SLIT2: variants seen among roughly 807,000 people sequenced by gnomAD.
SLIT2 encodes the protein slit homolog 2 protein.
SLIT2 carries 41 observed loss-of-function variants against 185.7 expected under a neutral mutation model. The observed-to-expected ratio is 0.22, with a 90% CI of 0.17 to 0.29. The LOEUF (loss-of-function observed/expected upper bound fraction) is 0.29. Ranked by LOEUF, SLIT2 falls within the 10% of genes least tolerant of loss-of-function variation. SLIT2 has a pLI of 1.00. For missense variants in SLIT2, 1,571 were observed against 1,909.0 expected, an observed-to-expected ratio of 0.82 and a Z score of 3.30; for synonymous variants, 693 against 680.2, an observed-to-expected ratio of 1.02 and a Z score of -0.29.
rs571482437 is a variant in SLIT2 at position 20,547,664 on chromosome 4, GTTA to G, written c.2346-819_2346-817del. Among the ~76,000 whole-genome samples, 93 of 150,388 alleles carry G rather than the reference GTTA, an allele frequency of 6.2e-4. 1 individual carries two copies. Among genetic ancestry groups the G allele is most frequent in the South Asian group, 1.0e-3 (5 of 4,784 alleles). ...AGAAAAAAATTAGTGAATATATTTAGTTATTATAAATGGTGAATATATATTAGT... is the reference window on the plus strand; with the variant it reads ...AGAAAAAAATTAGTGAATATATTTAGTTATAAATGGTGAATATATATTAGT... On this transcript the variant is annotated intron_variant, in intron 22 of 36. Transcript: ENST00000504154.
chr4:20,572,235 C>T (rs1221393903), intron 29 of SLIT2, among the ~76,000 whole-genome samples: 1 of 152,186 alleles, frequency 6.6e-6, no homozygotes, highest in African/African-American at 2.4e-5. Flanking sequence ...TCTCCATATA[C>T]TCCAGTTATC....
In SLIT2 at chr4:20,527,660, A is replaced by C. The variant is rs1446323967; in HGVS notation, c.1463-1289A>C. Among the ~76,000 whole-genome samples, 7 of 152,150 alleles carry C rather than the reference A, an allele frequency of 4.6e-5. No individual in the cohort carries two copies. The East Asian group carries it at 1.3e-3, about 29-fold the overall frequency. ...CTTTTATTACATTGGTTTTCTTGTG[A>C]GACCACCGTGCTTCAAAATATTATT... On this transcript the variant is annotated intron_variant, in intron 15 of 36. Coordinates refer to ENST00000504154, the MANE Select transcript of SLIT2 (RefSeq NM_004787.4).
chr4:20,416,597 A>G (rs1343019451), intron 4 of SLIT2, among the ~76,000 whole-genome samples: 3 of 151,840 alleles, frequency 2.0e-5, no homozygotes, highest in African/African-American at 7.3e-5. Flanking sequence ...AATCGTATCA[A>G]CTCCTGCCCT....
intron 4 of SLIT2, among the ~76,000 whole-genome samples, chr4:20,285,600 G>C (rs556581053): frequency 6.6e-6 from 1 of 152,220 alleles, no homozygotes; most frequent in South Asian, 2.1e-4. Context: ...TATGCAGGGA[G>C]TGCAGTGGTG....
chr4:20,588,921 T>C (rs1052074296), intron 29 of SLIT2, among the ~76,000 whole-genome samples: 1 of 152,340 alleles, frequency 6.6e-6, no homozygotes, highest in Admixed American at 6.5e-5. Context: ...TTTTACTTTT[T>C]TCTTTATATG....
chr4:20,323,453 G>A (rs1393229067), intron 4 of SLIT2, among the ~76,000 whole-genome samples: 1 of 152,050 alleles, frequency 6.6e-6, no homozygotes, highest in Non-Finnish European at 1.5e-5. Context: ...TCAATTTATT[G>A]AATGAATCAT....
intron 5 of SLIT2, among the ~76,000 whole-genome samples, chr4:20,468,409 G>C (rs1308198946): frequency 3.3e-5 from 5 of 152,020 alleles, no homozygotes; most frequent in African/African-American, 1.2e-4. Flanking sequence ...CTTTGTGTGA[G>C]TGTATTTCTT....
At chr4:20,594,346 A>C (rs1304424258) in intron 30 of SLIT2, among the ~76,000 whole-genome samples, 1 of 151,570 alleles carries the variant, frequency 6.6e-6, no homozygotes, top group Admixed American at 6.6e-5. Context: ...GCTCTGCAGA[A>C]TTCAGGCTTT....
intron 16 of SLIT2, among the ~76,000 whole-genome samples, chr4:20,531,558 A>G: frequency 6.6e-6 from 1 of 152,208 alleles, no homozygotes; most frequent in Admixed American, 6.5e-5. Context: ...ATGGTTCCAC[A>G]ACTGAATTGT....
chr4:20,367,993 C>T (rs746522102), intron 4 of SLIT2, among the ~76,000 whole-genome samples: 1 of 152,004 alleles, frequency 6.6e-6, no homozygotes, highest in African/African-American at 2.4e-5. Context: ...AGACAGATAA[C>T]ACCACTCTCA....
chr4:20,523,796 A>G lies in SLIT2; in HGVS notation c.1167A>G (p.Val389=), dbSNP rs1721042806. ...CCAACAAGATAAACTGCCTTCGGGT[A>G]GATGCTTTTCAGGATCTCCACAACT... ...LNANKINCLR[V]DAFQDLHNLN... Residue 389 remains valine (V), a synonymous_variant, in exon 13 of 37, where the codon GTA becomes GTG. Coordinates refer to ENST00000504154, the MANE Select transcript of SLIT2 (RefSeq NM_004787.4). 6.2e-7 allele frequency: 1 copy of G among 1,613,980 alleles called. No individual in the cohort carries two copies. Among genetic ancestry groups the G allele is most frequent in the East Asian group, 2.2e-5 (1 of 44,872 alleles).
intron 28 of SLIT2, 136 bp from the exon 29 acceptor site, chr4:20,568,729 A>T (rs1188830867): frequency 2.7e-6 from 2 of 734,568 alleles, no homozygotes; most frequent in East Asian, 5.1e-5. Flanking sequence ...AGTTAAAAGC[A>T]TTTTAAAAAA....
intron 29 of SLIT2, among the ~76,000 whole-genome samples, chr4:20,588,998 G>T (rs1210081692): frequency 2.6e-5 from 4 of 152,170 alleles, no homozygotes; most frequent in African/African-American, 9.7e-5. Flanking sequence ...AGGAAACCAA[G>T]TGTTTTTCTT....
rs1487975933 is a variant in SLIT2, at chr4:20,472,284, A to ATC, written c.467+4462_467+4463insCT. Among the ~76,000 whole-genome samples, 63 of 17,612 alleles carry ATC rather than the reference A, an allele frequency of 3.6e-3. 1 individual carries two copies. The highest frequency in any genetic ancestry group is 0.014 in the African/African-American group (47 of 3,360). 11.6% of individuals were successfully genotyped at this position (17,612 alleles called of 152,430 possible). Reference sequence around the variant, plus strand: ...TATATATAGATATATATCTATATATATAGATATATAGATATATAGATCTAT... The same window carrying ATC: ...TATATATAGATATATATCTATATATATCTAGATATATAGATATATAGATCTAT... On this transcript the variant is annotated intron_variant, in intron 5 of 36. Coordinates refer to ENST00000504154, the MANE Select transcript of SLIT2 (RefSeq NM_004787.4).
At chr4:20,498,333 G>A (rs79645859) in intron 9 of SLIT2, among the ~76,000 whole-genome samples, 2,272 of 152,258 alleles carry the variant, frequency 0.015, 33 homozygotes, top group Non-Finnish European at 0.019. Flanking sequence ...ACTTTGCTGC[G>A]TTGAACTATG....
intron 5 of SLIT2, among the ~76,000 whole-genome samples, chr4:20,472,815 A>T (rs1715706216): frequency 6.6e-6 from 1 of 150,964 alleles, no homozygotes; most frequent in East Asian, 2.0e-4. Flanking sequence ...CTTTACTGCC[A>T]AGAATTGTGA....
intron 26 of SLIT2, chr4:20,554,232 T>C (rs1724036861): frequency 1.8e-6 from 1 of 552,980 alleles, no homozygotes; most frequent in Non-Finnish European, 3.4e-6. Flanking sequence ...TCACAATTTC[T>C]GGAAATTCCT....
At chr4:20,558,269 T>C (rs1724424830) in intron 26 of SLIT2, among the ~76,000 whole-genome samples, 1 of 151,958 alleles carries the variant, frequency 6.6e-6, no homozygotes, top group African/African-American at 2.4e-5. Context: ...GAAGAGTCAA[T>C]TGAGGCAGCA....
At chr4:20,409,030 G>C (rs1189097743) in intron 4 of SLIT2, among the ~76,000 whole-genome samples, 1 of 151,162 alleles carries the variant, frequency 6.6e-6, no homozygotes, top group Non-Finnish European at 1.5e-5. Context: ...GCCCATCAGA[G>C]ACTGCAGCTC....
Sources: gnomAD v4.1 joint callset for allele counts (sites outside exome capture counted in the v4.1 genomes callset) on GRCh38, gnomAD v4.1.1 for gene constraint, MANE v1.5 for transcripts, NCBI Gene and HGNC (gene_info 2026-07-23, HGNC 2026-07-21) for gene names.